The following GTF2F2 variants were observed in gnomAD, a reference collection of about 807,000 sequenced individuals.
The protein encoded by GTF2F2 is ATP-dependent helicase GTF2F2.
In GTF2F2, 23 loss-of-function variants were observed where a neutral mutation model predicts 42.2. The ratio of observed to expected loss-of-function variants is 0.55; its 90% CI spans 0.39 to 0.77. The LOEUF (loss-of-function observed/expected upper bound fraction) is 0.77. Among genes scored for constraint, GTF2F2 ranks in the 30% least tolerant of loss-of-function variants. The pLI is 0.00. For missense variants in GTF2F2, 261 were observed against 287.2 expected, an observed-to-expected ratio of 0.91 and a Z score of 0.66; for synonymous variants, 105 against 100.8, an observed-to-expected ratio of 1.04 and a Z score of -0.25.
intron 4 of GTF2F2, among the ~76,000 whole-genome samples, chr13:45,169,814 A>G (rs1566121701): frequency 1.3e-5 from 2 of 152,156 alleles, no homozygotes; most frequent in South Asian, 4.1e-4. Context: ...AATTTTTTTT[A>G]CATGTCTTCA....
chr13:45,190,258 A>T (rs1416997851), intron 4 of GTF2F2, among the ~76,000 whole-genome samples: 4 of 152,226 alleles, frequency 2.6e-5, no homozygotes, highest in African/African-American at 9.6e-5. Context: ...CCTGTTTTTT[A>T]AATGACATGA....
intron 5 of GTF2F2, among the ~76,000 whole-genome samples, chr13:45,233,057 C>T (rs1302195979): frequency 6.6e-6 from 1 of 152,114 alleles, no homozygotes; most frequent in African/African-American, 2.4e-5. Context: ...TTTTATGAAA[C>T]GTACTCCATA....
chr13:45,138,983 G>A (rs1262910428), intron 2 of GTF2F2, among the ~76,000 whole-genome samples: 3 of 152,128 alleles, frequency 2.0e-5, no homozygotes, highest in Non-Finnish European at 4.4e-5. Context: ...TTATTCCAAA[G>A]AGCCCATCAT....
At position 45,120,540 on chromosome 13, in the gene GTF2F2, A is replaced by G. The variant is rs1195605899; in HGVS notation, c.-116A>G. On this transcript the variant is annotated 5_prime_UTR_variant, in exon 1 of 8. Coordinates refer to ENST00000340473, the MANE Select transcript of GTF2F2 (RefSeq NM_004128.3). ...TTCCCAGTGTTCTGGCAGGTAAGGA[A>G]CGCCGGCTCTTCGCCTCTCAGCGCG... 1.4e-6 allele frequency: 1 copy of G among 717,856 alleles called. No individual in the cohort carries two copies. The highest frequency in any genetic ancestry group is 2.5e-5 in the Admixed American group (1 of 40,432). 44.5% of individuals were successfully genotyped at this position (717,856 alleles called of 1,614,324 possible). A position where few individuals can be genotyped will look rare whatever the true frequency, so the allele number is the denominator to read the frequency against.
chr13:45,242,674 A>T (rs577827555), intron 5 of GTF2F2, among the ~76,000 whole-genome samples: 7 of 152,326 alleles, frequency 4.6e-5, no homozygotes, highest in Non-Finnish European at 8.8e-5. Flanking sequence ...AATAGTCCAC[A>T]TGTATTAAAT....
intron 5 of GTF2F2, among the ~76,000 whole-genome samples, chr13:45,248,379 T>C (rs1875735216): frequency 1.3e-5 from 2 of 152,214 alleles, no homozygotes; most frequent in Non-Finnish European, 2.9e-5. Context: ...TATATATTTA[T>C]ATTCTGAATT....
rs368354656 is a variant in GTF2F2 at position 45,270,232 on chromosome 13, A to G, written c.630+2856A>G. 3.3e-5 allele frequency among the ~76,000 whole-genome samples: 5 copies of G among 152,228 alleles called. No individual in the cohort carries two copies. The East Asian group carries it at 5.8e-4, about 18-fold the overall frequency. Reference sequence around the variant, plus strand: ...GTATGTGACTTACATAAGCAACTAGAAAGAGTGAAAGTTACTCATCAAGGA... The same window carrying G: ...GTATGTGACTTACATAAGCAACTAGGAAGAGTGAAAGTTACTCATCAAGGA... On this transcript the variant is annotated intron_variant, in intron 7 of 7. Coordinates refer to ENST00000340473, the MANE Select transcript of GTF2F2 (RefSeq NM_004128.3).
chr13:45,138,504 A>G (rs1390891852), intron 2 of GTF2F2, among the ~76,000 whole-genome samples: 1 of 152,178 alleles, frequency 6.6e-6, no homozygotes, highest in Non-Finnish European at 1.5e-5. Context: ...AGAGCCAACC[A>G]CAGAACACGC....
chr13:45,157,427 T>A (rs1566117517), intron 4 of GTF2F2, among the ~76,000 whole-genome samples: 1 of 152,180 alleles, frequency 6.6e-6, no homozygotes, highest in Non-Finnish European at 1.5e-5. Context: ...ATAATTTGAT[T>A]TACATGTTAA....
At chr13:45,151,250 T>C (rs1282193284) in intron 3 of GTF2F2, among the ~76,000 whole-genome samples, 1 of 152,230 alleles carries the variant, frequency 6.6e-6, no homozygotes, top group African/African-American at 2.4e-5. Context: ...GTTTCTGCGC[T>C]AATTTACATA....
At chr13:45,149,538 TAA>T (rs1870377391) in intron 2 of GTF2F2, among the ~76,000 whole-genome samples, 1 of 152,042 alleles carries the variant, frequency 6.6e-6, no homozygotes, top group Admixed American at 6.6e-5. Flanking sequence ...ATAATAGTGT[TAA>T]GTGACATAAA....
chr13:45,155,984 T>G (rs1232616447), intron 4 of GTF2F2, among the ~76,000 whole-genome samples: 1 of 152,206 alleles, frequency 6.6e-6, no homozygotes. Context: ...TCTTCTTTTT[T>G]TTTTAGAGGC....
intron 5 of GTF2F2, among the ~76,000 whole-genome samples, chr13:45,227,474 A>T (rs1016917079): frequency 1.3e-5 from 2 of 152,238 alleles, no homozygotes; most frequent in African/African-American, 4.8e-5. Flanking sequence ...ACATATACAT[A>T]TGTGAAAACA....
intron 7 of GTF2F2, among the ~76,000 whole-genome samples, chr13:45,271,046 A>T (rs1366936945): frequency 6.6e-6 from 1 of 152,132 alleles, no homozygotes; most frequent in Non-Finnish European, 1.5e-5. Context: ...TAATCCCAGC[A>T]CTTTGGGAGG....
At chr13:45,192,067 A>C (rs1161413619) in intron 4 of GTF2F2, among the ~76,000 whole-genome samples, 2 of 152,022 alleles carry the variant, frequency 1.3e-5, no homozygotes, top group Non-Finnish European at 2.9e-5. Flanking sequence ...GGAAAAGTCA[A>C]CTCCTAAGTT....
chr13:45,186,591 G>A (rs917537765), intron 4 of GTF2F2, among the ~76,000 whole-genome samples: 4 of 151,970 alleles, frequency 2.6e-5, no homozygotes, highest in African/African-American at 7.3e-5. Flanking sequence ...GCACCCAGCC[G>A]CCTGGCCGCC....
intron 7 of GTF2F2, among the ~76,000 whole-genome samples, chr13:45,279,214 A>C (rs983617786): frequency 2.6e-5 from 4 of 152,158 alleles, no homozygotes; most frequent in African/African-American, 9.7e-5. Context: ...TCCACCTGGC[A>C]CATTGTAGGT....
intron 4 of GTF2F2, among the ~76,000 whole-genome samples, chr13:45,201,802 A>G (rs1873198616): frequency 6.6e-6 from 1 of 152,232 alleles, no homozygotes; most frequent in Admixed American, 6.5e-5. Flanking sequence ...ACTATTTCCC[A>G]GAATCCAAAG....
rs559531179 is a variant in GTF2F2, at chr13:45,127,595, C to T, written c.66+6874C>T. On this transcript the variant is annotated intron_variant, in intron 1 of 7. Transcript: ENST00000340473. ...CTACCCACGTTGGCCTTCCAAAGTG[C>T]TAGAGTGTTGGGATTATGGCATGAG... 6.6e-5 allele frequency among the ~76,000 whole-genome samples: 10 copies of T among 151,336 alleles called. No individual in the cohort carries two copies. The South Asian group carries it at 2.1e-3, about 32-fold the overall frequency.
Sources: allele counts gnomAD v4.1 joint callset (sites outside exome capture counted in the v4.1 genomes callset), GRCh38; gene constraint gnomAD v4.1.1; transcripts MANE v1.5; gene names NCBI Gene and HGNC (gene_info 2026-07-23, HGNC 2026-07-21).